CENPI: variants seen among roughly 807,000 people sequenced by gnomAD.
CENPI encodes the protein centromere protein I.
Under a neutral mutation model 60.4 loss-of-function variants are expected in CENPI, and 4 were observed. That is an observed-to-expected ratio of 0.07 (90% CI 0.03 to 0.15). The LOEUF (loss-of-function observed/expected upper bound fraction) is 0.15, where lower values mean the gene tolerates loss of function less well. Among genes scored for constraint, CENPI ranks in the 10% least tolerant of loss-of-function variants. CENPI has a pLI of 1.00. For synonymous variants in CENPI, 157 were observed against 189.4 expected (o/e 0.83, Z 1.40); for missense variants, 444 against 534.5 (o/e 0.83, Z 1.67).
intron 8 of CENPI, among the ~76,000 whole-genome samples, chrX:101,124,200 C>G (rs2089710647): frequency 9.3e-6 from 1 of 107,903 alleles, no homozygotes; most frequent in Non-Finnish European, 1.9e-5. Flanking sequence ...AGTCCAAAAT[C>G]TACCGGATGG....
chrX:101,108,392 T>C (rs2089510150), intron 4 of CENPI, among the ~76,000 whole-genome samples: 1 of 109,247 alleles, frequency 9.2e-6, no homozygotes, highest in South Asian at 3.9e-4. Context: ...GACGGGGTCC[T>C]GCTATGTTGC....
intron 2 of CENPI, chrX:101,100,124 C>T (rs376619329): frequency 9.9e-5 from 11 of 110,947 alleles, no homozygotes; most frequent in African/African-American, 3.3e-4. Flanking sequence ...TCACCTCCCC[C>T]TTCAGTGTAA....
chrX:101,109,063 G>A (rs60742597), intron 4 of CENPI, among the ~76,000 whole-genome samples: 23,397 of 100,102 alleles, frequency 0.23, 2,368 homozygotes, highest in East Asian at 0.26. Flanking sequence ...TCAATATAAC[G>A]TGAGGTGTGG....
In CENPI at chrX:101,108,177, C is replaced by T. The variant is rs190476977; in HGVS notation, c.365-1296C>T. ...GCAACCTCCACCTTCCAGGCTCAAGCGATCCTCCCACGTCAGCCTCCCAAG... is the reference window on the plus strand; with the variant it reads ...GCAACCTCCACCTTCCAGGCTCAAGTGATCCTCCCACGTCAGCCTCCCAAG... On this transcript the variant is annotated intron_variant, in intron 4 of 21. Transcript: ENST00000682095. Among the ~76,000 whole-genome samples, 52 of 111,072 alleles carry T rather than the reference C, an allele frequency of 4.7e-4. No individual in the cohort carries two copies. In the East Asian group the frequency reaches 0.011, roughly 24 times the overall value.
At chrX:101,130,383 G>A (rs1248380985) in intron 13 of CENPI, among the ~76,000 whole-genome samples, 2 of 111,857 alleles carry the variant, frequency 1.8e-5, no homozygotes, top group African/African-American at 6.5e-5. Flanking sequence ...GCAGTGAGCC[G>A]TAATTGTGCC....
chrX:101,146,386 A>G (rs2089961988), intron 18 of CENPI, 109 bp downstream of exon 18: 5 of 799,263 alleles, frequency 6.3e-6, no homozygotes, highest in Non-Finnish European at 7.0e-6. Context: ...GGGCCTCTGG[A>G]AATAGGAAAT....
At chrX:101,123,461 G>A (rs748236058) in intron 8 of CENPI, among the ~76,000 whole-genome samples, 19 of 111,748 alleles carry the variant, frequency 1.7e-4, no homozygotes, top group Non-Finnish European at 2.8e-4. Context: ...TCCCTCTACC[G>A]GGCATGAGCC....
In CENPI at chrX:101,100,281, C is replaced by T. The variant is rs775927462; in HGVS notation, c.-13-777C>T. ...TCCTGAAAATGCTTAGTCTGGCCAC[C>T]AGTTTGGCTTTTGAACTGTGCAGCT... On this transcript the variant is annotated intron_variant, in intron 2 of 21. Transcript: ENST00000682095. 1.8e-4 allele frequency among the ~76,000 whole-genome samples: 20 copies of T among 111,815 alleles called. 1 individual carries two copies. The highest frequency in any genetic ancestry group is 1.4e-3 in the Admixed American group (15 of 10,402).
chrX:101,119,116 G>T (rs959877263), intron 6 of CENPI, among the ~76,000 whole-genome samples: 1 of 111,531 alleles, frequency 9.0e-6, no homozygotes, highest in Non-Finnish European at 1.9e-5. Context: ...GGAGGCGGAG[G>T]TTGCAGTGAG....
intron 15 of CENPI, among the ~76,000 whole-genome samples, chrX:101,139,876 C>T (rs1182384410): frequency 2.8e-5 from 3 of 106,895 alleles, no homozygotes; most frequent in Non-Finnish European, 5.8e-5. Flanking sequence ...ACTCTGTCAC[C>T]CAGGCTGGAG....
chrX:101,141,636 G>A (rs1035332598), intron 16 of CENPI, among the ~76,000 whole-genome samples: 1 of 110,732 alleles, frequency 9.0e-6, no homozygotes, highest in African/African-American at 3.3e-5. Context: ...GAGCCACTGC[G>A]CCTGGCCAAG....
Position 101,146,168 on chromosome X carries a change from A to G in CENPI, c.1717A>G (p.Ile573Val). 1 of 1,200,196 alleles carries G rather than the reference A, an allele frequency of 8.3e-7. No homozygotes were observed. Among genetic ancestry groups the G allele is most frequent in the Non-Finnish European group, 1.1e-6 (1 of 885,698 alleles). ...DFYEKVCDIY[I>V]NYNLPLVVLF... ...TTCCTCCAAGGTGTGTGACATATATATAAATTATAACCTTCCATTAGTGGT... is the reference window on the plus strand; with the variant it reads ...TTCCTCCAAGGTGTGTGACATATATGTAAATTATAACCTTCCATTAGTGGT... Residue 573 changes from isoleucine to valine, a missense_variant, in exon 18 of 22, where the codon ATA (isoleucine) becomes GTA (valine). Physicochemically the swap from Ile to Val is conservative, Grantham distance 29. Transcript: ENST00000682095.
intron 8 of CENPI, among the ~76,000 whole-genome samples, chrX:101,120,989 C>T (rs1569499819): frequency 9.2e-6 from 1 of 108,844 alleles, no homozygotes; most frequent in East Asian, 2.9e-4. Context: ...GATTCTCCTG[C>T]CTTACCCTCC....
chrX:101,138,520 G>T (rs764643230), intron 15 of CENPI, among the ~76,000 whole-genome samples: 4 of 109,297 alleles, frequency 3.7e-5, no homozygotes, highest in African/African-American at 1.0e-4. Context: ...TAGAGATGGG[G>T]TTTCTCCATG....
intron 15 of CENPI, among the ~76,000 whole-genome samples, chrX:101,137,113 A>G (rs2089855691): frequency 9.0e-6 from 1 of 110,754 alleles, no homozygotes; most frequent in African/African-American, 3.3e-5. Context: ...AGGTCTCACT[A>G]TGTTGCCCAG....
rs1430173004 is a variant in CENPI at position 101,145,078 on chromosome X, G to A, written c.1580G>A (p.Gly527Asp). 8.3e-7 allele frequency: 1 copy of A among 1,201,751 alleles called. No individual in the cohort carries two copies. The highest frequency in any genetic ancestry group is 3.0e-5 in the East Asian group (1 of 33,719). ...VTNSPLETTL[G>D]GSMNSVSKLI... ...TCTTATTGCAGAGAGACAACTTTGGGTGGATCCATGAACTCTGTGTCTAAA... is the reference window on the plus strand; with the variant it reads ...TCTTATTGCAGAGAGACAACTTTGGATGGATCCATGAACTCTGTGTCTAAA... The change falls in exon 17 of 22, where the codon GGT (glycine) becomes GAT (aspartate). Residue 527 changes from glycine (G) to aspartate (D), a missense_variant. Gly to Asp is a moderately conservative substitution (Grantham distance 94). Transcript: ENST00000682095.
intron 20 of CENPI, 34 bp downstream of exon 20, chrX:101,148,195 T>C (rs1344902349): frequency 1.4e-5 from 15 of 1,059,296 alleles, no homozygotes; most frequent in South Asian, 7.8e-5. Context: ...AGATTTTGTA[T>C]CTTAATACTG....
At chrX:101,130,575 A>T (rs1425358238) in intron 13 of CENPI, among the ~76,000 whole-genome samples, 7 of 112,830 alleles carry the variant, frequency 6.2e-5, no homozygotes, top group Non-Finnish European at 9.4e-5. Flanking sequence ...ATGTTATATT[A>T]TGCAAATAAA....
rs143215680 is a variant in CENPI at position 101,101,204 on chromosome X, A to G, written c.134A>G (p.His45Arg). The change falls in exon 3 of 22, where the codon CAT becomes CGT. Residue 45 changes from histidine to arginine, a missense_variant. Coordinates refer to ENST00000682095, the MANE Select transcript of CENPI (RefSeq NM_001386188.2). ...AGCAACTCGAAGAACATCTCAAAAC[A>G]TGGACAAAACAATCCAGTGGGAGAT... ...DPSNSKNISK[H>R]GQNNPVGDYE... The G allele has an allele frequency of 3.6e-4, 431 of 1,208,937 alleles. No homozygotes were observed. The African/African-American group carries it at 6.4e-3, about 18-fold the overall frequency.
Sources: allele counts gnomAD v4.1 joint callset (sites outside exome capture counted in the v4.1 genomes callset), GRCh38; gene constraint gnomAD v4.1.1; transcripts MANE v1.5; gene names NCBI Gene and HGNC (gene_info 2026-07-23, HGNC 2026-07-21).